Variants in TM9SF3 observed in about 807,000 individuals in gnomAD.
TM9SF3 encodes transmembrane 9 superfamily member 3.
TM9SF3 carries 14 observed loss-of-function variants against 78.6 expected under a neutral mutation model. That is an observed-to-expected ratio of 0.18 (90% CI 0.12 to 0.28). TM9SF3 has a LOEUF of 0.28. Ranked by LOEUF, TM9SF3 falls within the 10% of genes least tolerant of loss-of-function variation. TM9SF3 has a pLI of 1.00. For synonymous variants in TM9SF3, 231 were observed against 241.7 expected (o/e 0.96, Z 0.41); for missense variants, 496 against 721.9 (o/e 0.69, Z 3.59).
chr10:96,545,874 A>T (rs1848091470), intron 8 of TM9SF3, among the ~76,000 whole-genome samples: 1 of 148,652 alleles, frequency 6.7e-6, no homozygotes, highest in Non-Finnish European at 1.5e-5. Flanking sequence ...GGGAGACAAG[A>T]GCGAAACTCC....
intron 2 of TM9SF3, among the ~76,000 whole-genome samples, chr10:96,566,019 C>G (rs1028101693): frequency 6.6e-6 from 1 of 152,166 alleles, no homozygotes; most frequent in Non-Finnish European, 1.5e-5. Context: ...TCATTTTCCA[C>G]CCCGACTGCT....
At chr10:96,545,165 T>C (rs1848082054) in intron 8 of TM9SF3, among the ~76,000 whole-genome samples, 1 of 152,224 alleles carries the variant, frequency 6.6e-6, no homozygotes, top group South Asian at 2.1e-4. Context: ...GAGAGCTGTC[T>C]TTCTAATACA....
At chr10:96,565,564 A>G (rs999846570) in intron 2 of TM9SF3, 138 bp from the exon 3 acceptor site, 1 of 981,110 alleles carries the variant, frequency 1.0e-6, no homozygotes, top group Non-Finnish European at 1.4e-6. Flanking sequence ...GTGATAAATA[A>G]GTGTGGGTTC....
intron 9 of TM9SF3, 130 bp from the exon 10 acceptor site, chr10:96,533,320 G>A (rs1414095168): frequency 8.8e-7 from 1 of 1,130,722 alleles, no homozygotes; most frequent in Non-Finnish European, 1.2e-6. Context: ...AGCTAAAATT[G>A]TGCAAGAAGT....
At chr10:96,565,658 A>T (rs1029917448) in intron 2 of TM9SF3, among the ~76,000 whole-genome samples, 2 of 152,110 alleles carry the variant, frequency 1.3e-5, no homozygotes, top group Non-Finnish European at 2.9e-5. Flanking sequence ...TTCAAACATT[A>T]CCTAAGTGAA....
At chr10:96,523,547 A>G (rs1847804671) in intron 14 of TM9SF3, among the ~76,000 whole-genome samples, 1 of 151,920 alleles carries the variant, frequency 6.6e-6, no homozygotes, top group Non-Finnish European at 1.5e-5. Flanking sequence ...GAGCTAGGCA[A>G]TAACTATCAA....
chr10:96,535,343 A>G lies in TM9SF3; in HGVS notation c.1186-2153T>C, dbSNP rs1480655580. ...GGCAAGCTGTTAAAAAAAAATTCAC[A>G]TGGAATGAACTCATTTGTGAAGAAT... On this transcript the variant is annotated intron_variant, in intron 9 of 14. Coordinates refer to ENST00000371142, the MANE Select transcript of TM9SF3 (RefSeq NM_020123.4). Among the ~76,000 whole-genome samples, 3 of 152,200 alleles carry G rather than the reference A, an allele frequency of 2.0e-5. No individual in the cohort carries two copies. The East Asian group carries it at 5.8e-4, about 29-fold the overall frequency.
chr10:96,547,165 G>C (rs957917559), intron 8 of TM9SF3, among the ~76,000 whole-genome samples: 2 of 152,134 alleles, frequency 1.3e-5, no homozygotes, highest in African/African-American at 4.8e-5. Flanking sequence ...CTTTGCGAAG[G>C]GTCCTTTGAT....
chr10:96,557,391 C>T (rs1261971647), intron 5 of TM9SF3, among the ~76,000 whole-genome samples: 1 of 102,850 alleles, frequency 9.7e-6, no homozygotes, highest in East Asian at 2.6e-4. Flanking sequence ...CTATCAATCA[C>T]GAAATGCCGC....
At chr10:96,562,514 T>C (rs1007661892) in intron 3 of TM9SF3, among the ~76,000 whole-genome samples, 1 of 152,212 alleles carries the variant, frequency 6.6e-6, no homozygotes, top group African/African-American at 2.4e-5. Context: ...TACCCAGCTA[T>C]TAGTGGTCAA....
Position 96,520,958 on chromosome 10 carries a change from G to C in TM9SF3, c.*1305C>G. On this transcript the variant is annotated 3_prime_UTR_variant, in exon 15 of 15. Coordinates refer to ENST00000371142, the MANE Select transcript of TM9SF3 (RefSeq NM_020123.4). ...CTGGACAGAAAGATATCTTCAAATT[G>C]CAAACACATCTATTTCCACAAAACA... 2.5e-6 allele frequency: 1 copy of C among 396,886 alleles called. No homozygotes were observed. Among genetic ancestry groups the C allele is most frequent in the Admixed American group, 4.4e-5 (1 of 22,654 alleles). 24.6% of individuals were successfully genotyped at this position (396,886 alleles called of 1,614,324 possible).
intron 4 of TM9SF3, chr10:96,560,291 A>G: frequency 1.5e-5 from 11 of 756,968 alleles, no homozygotes; most frequent in Non-Finnish European, 2.6e-5. Context: ...GTGGATAATG[A>G]TGAAAATGAG....
At chr10:96,537,126 G>C (rs989025068) in intron 9 of TM9SF3, among the ~76,000 whole-genome samples, 4 of 152,280 alleles carry the variant, frequency 2.6e-5, no homozygotes, top group African/African-American at 7.2e-5. Context: ...GTACGGGCAG[G>C]GGGTAGGGGT....
intron 5 of TM9SF3, among the ~76,000 whole-genome samples, chr10:96,555,916 A>T (rs544180824): frequency 2.0e-5 from 3 of 152,148 alleles, no homozygotes; most frequent in South Asian, 4.1e-4. Flanking sequence ...AATTTATCAA[A>T]TTTTTTAAAA....
intron 8 of TM9SF3, 103 bp from the exon 9 acceptor site, chr10:96,544,309 T>C (rs1286163652): frequency 2.0e-5 from 22 of 1,092,722 alleles, no homozygotes; most frequent in Non-Finnish European, 2.7e-5. Context: ...ATCTTAATAA[T>C]TTCTTCAAAA....
At chr10:96,540,233 A>T (rs1848005958) in intron 9 of TM9SF3, among the ~76,000 whole-genome samples, 1 of 152,252 alleles carries the variant, frequency 6.6e-6, no homozygotes. Context: ...AATAGGTCAG[A>T]ATCAAGAATA....
chr10:96,563,670 G>T (rs1434238534), intron 3 of TM9SF3, among the ~76,000 whole-genome samples: 1 of 152,156 alleles, frequency 6.6e-6, no homozygotes, highest in African/African-American at 2.4e-5. Flanking sequence ...GAGCCACCGC[G>T]CCCAGCCAAT....
chr10:96,564,015 C>T (rs1398993642), intron 3 of TM9SF3, among the ~76,000 whole-genome samples: 1 of 151,774 alleles, frequency 6.6e-6, no homozygotes, highest in Admixed American at 6.6e-5. Context: ...AGCATGATGG[C>T]TTATCCCTAT....
intron 1 of TM9SF3, among the ~76,000 whole-genome samples, chr10:96,581,678 CTT>C (rs1427459234): frequency 3.3e-5 from 5 of 152,206 alleles, no homozygotes; most frequent in African/African-American, 9.6e-5. Flanking sequence ...AGCTTATACT[CTT>C]TATAAGTTTT....
Sources: gnomAD v4.1 joint callset for allele counts (sites outside exome capture counted in the v4.1 genomes callset) on GRCh38, gnomAD v4.1.1 for gene constraint, MANE v1.5 for transcripts, NCBI Gene and HGNC (gene_info 2026-07-23, HGNC 2026-07-21) for gene names.